Variants in B3GAT2 observed in about 807,000 individuals in gnomAD.
The protein encoded by B3GAT2 is galactosylgalactosylxylosylprotein 3-beta-glucuronosyltransferase 2.
B3GAT2 carries 26 observed loss-of-function variants against 27.8 expected under a neutral mutation model. The ratio of observed to expected loss-of-function variants is 0.93; its 90% CI spans 0.68 to 1.30. The LOEUF is 1.30. Ranked by LOEUF, B3GAT2 falls within the 50% of genes most tolerant of loss-of-function variation. The probability of loss-of-function intolerance (pLI) is 0.00; values close to 1 mark genes in which losing one functional copy is unlikely to be tolerated. For synonymous variants in B3GAT2, 218 were observed against 195.1 expected (o/e 1.12, Z -0.98); for missense variants, 458 against 459.0 (o/e 1.00, Z 0.02).
intron 2 of B3GAT2, among the ~76,000 whole-genome samples, chr6:70,888,606 C>T (rs1375285795): frequency 2.0e-5 from 3 of 152,138 alleles, no homozygotes; most frequent in African/African-American, 7.2e-5. Flanking sequence ...CCCATTCATC[C>T]CACACTGCCA....
chr6:70,922,341 C>T (rs1339721422), intron 1 of B3GAT2, among the ~76,000 whole-genome samples: 1 of 152,176 alleles, frequency 6.6e-6, no homozygotes, highest in Non-Finnish European at 1.5e-5. Context: ...ATCTGAGCAG[C>T]ACTCAATCTA....
At chr6:70,945,019 G>A (rs1765456408) in intron 1 of B3GAT2, among the ~76,000 whole-genome samples, 1 of 152,160 alleles carries the variant, frequency 6.6e-6, no homozygotes, top group African/African-American at 2.4e-5. Flanking sequence ...GGTCCTGTCT[G>A]TTAGAAGGAA....
intron 1 of B3GAT2, among the ~76,000 whole-genome samples, chr6:70,909,835 C>T (rs1772661513): frequency 6.6e-6 from 1 of 152,032 alleles, no homozygotes; most frequent in Non-Finnish European, 1.5e-5. Context: ...ACTTTAAGCA[C>T]CATGGGCCTT....
Position 70,858,169 on chromosome 6 carries a change from T to C in B3GAT2, c.*3494A>G, listed in dbSNP as rs780212927. 1.2e-6 allele frequency: 2 copies of C among 1,613,424 alleles called. No homozygotes were observed. Among genetic ancestry groups the C allele is most frequent in the South Asian group, 1.1e-5 (1 of 91,056 alleles). ...AAGGAGGAATGGTGGGACAAATGGG[T>C]GCACCCCAGAGTAAGTTTGGCCTGC... On this transcript the variant is annotated 3_prime_UTR_variant, in exon 4 of 4. Transcript: ENST00000230053.
chr6:70,894,372 A>G, intron 1 of B3GAT2, 100 bp from the exon 2 acceptor site: 1 of 1,284,878 alleles, frequency 7.8e-7, no homozygotes, highest in Non-Finnish European at 1.0e-6. Flanking sequence ...GTAGTGGTGT[A>G]AGATTTCAAA....
At chr6:70,947,580 G>C (rs377462867) in intron 1 of B3GAT2, among the ~76,000 whole-genome samples, 28,236 of 149,654 alleles carry the variant, frequency 0.19, 3,462 homozygotes, top group Middle Eastern at 0.29. Flanking sequence ...GAAATTGTGG[G>C]AATAATCAAT....
Position 70,856,832 on chromosome 6 carries a change from G to C in B3GAT2, c.*4831C>G. On this transcript the variant is annotated 3_prime_UTR_variant, in exon 4 of 4. Transcript: ENST00000230053. Reference sequence around the variant, plus strand: ...AGCTGCGCTTTACTATGCAGAATTTGATAGCTTATTTTGGTGTTTGTCTCA... The same window carrying C: ...AGCTGCGCTTTACTATGCAGAATTTCATAGCTTATTTTGGTGTTTGTCTCA... 1.3e-6 allele frequency: 2 copies of C among 1,570,036 alleles called. No individual in the cohort carries two copies. Among genetic ancestry groups the C allele is most frequent in the Non-Finnish European group, 1.7e-6 (2 of 1,158,390 alleles).
rs1380606545 is a variant in B3GAT2 at position 70,857,432 on chromosome 6, T to C, written c.*4231A>G. The C allele has an allele frequency of 6.0e-6, 1 of 167,296 alleles. No homozygotes were observed. Among genetic ancestry groups the C allele is most frequent in the Non-Finnish European group, 1.3e-5 (1 of 77,598 alleles). 10.4% of individuals were successfully genotyped at this position (167,296 alleles called of 1,614,324 possible). A position where few individuals can be genotyped will look rare whatever the true frequency, so the allele number is the denominator to read the frequency against. ...GAATTTTTTTGTAATCATAACAAAA[T>C]ATTAGCATAAGCCTTATTGTTTACA... On this transcript the variant is annotated 3_prime_UTR_variant, in exon 4 of 4. Transcript: ENST00000230053.
chr6:70,873,880 C>G (rs1399759177), intron 2 of B3GAT2, among the ~76,000 whole-genome samples: 3 of 152,012 alleles, frequency 2.0e-5, no homozygotes, highest in Admixed American at 6.6e-5. Flanking sequence ...TCCAGCATTT[C>G]TATTTGGTTC....
intron 1 of B3GAT2, among the ~76,000 whole-genome samples, chr6:70,929,352 T>A (rs936056805): frequency 6.6e-5 from 10 of 151,908 alleles, no homozygotes; most frequent in African/African-American, 2.4e-4. Flanking sequence ...ATAATAAAAA[T>A]ATATATTTAA....
Position 70,861,702 on chromosome 6 carries a change from C to T in B3GAT2, c.933G>A (p.Glu311=). 1 of 1,614,110 alleles carries T rather than the reference C, an allele frequency of 6.2e-7. No individual in the cohort carries two copies. Among genetic ancestry groups the T allele is most frequent in the Non-Finnish European group, 8.5e-7 (1 of 1,179,980 alleles). The change falls in exon 4 of 4, where the codon GAG becomes GAA. Residue 311 remains glutamate (E), a synonymous_variant. Coordinates refer to ENST00000230053, the MANE Select transcript of B3GAT2 (RefSeq NM_080742.3). Reference sequence around the variant, plus strand: ...TCACTGTGTCCAGGTGGTACTTTGGCTCGTTGGCTAGATTAACCTTCTCTG... The same window carrying T: ...TCACTGTGTCCAGGTGGTACTTTGGTTCGTTGGCTAGATTAACCTTCTCTG... The part of the protein sequence containing the change: ...TRTEKVNLAN[E]PKYHLDTVKI...
chr6:70,952,323 A>G (rs1037247592), intron 1 of B3GAT2, among the ~76,000 whole-genome samples: 3 of 152,010 alleles, frequency 2.0e-5, no homozygotes, highest in South Asian at 2.1e-4. Flanking sequence ...CAAAATTTCT[A>G]AAGTTTTTTT....
At chr6:70,903,601 G>A (rs1256009068) in intron 1 of B3GAT2, among the ~76,000 whole-genome samples, 1 of 152,050 alleles carries the variant, frequency 6.6e-6, no homozygotes, top group Non-Finnish European at 1.5e-5. Flanking sequence ...ACAAAAAGAT[G>A]CTCTGTGTCA....
intron 1 of B3GAT2, among the ~76,000 whole-genome samples, chr6:70,894,785 G>T (rs1772350522): frequency 6.6e-6 from 1 of 152,122 alleles, no homozygotes; most frequent in Non-Finnish European, 1.5e-5. Flanking sequence ...CCTGAACCTG[G>T]CTTCTTCCAG....
At chr6:70,944,648 A>T (rs1430089974) in intron 1 of B3GAT2, among the ~76,000 whole-genome samples, 1 of 152,216 alleles carries the variant, frequency 6.6e-6, no homozygotes, top group Non-Finnish European at 1.5e-5. Context: ...GACAGGGCAC[A>T]GACAAACAAA....
chr6:70,883,587 T>C (rs759746178), intron 2 of B3GAT2, among the ~76,000 whole-genome samples: 1 of 152,124 alleles, frequency 6.6e-6, no homozygotes, highest in African/African-American at 2.4e-5. Flanking sequence ...TCAGGAGTTA[T>C]TGTTTAGTGA....
intron 1 of B3GAT2, among the ~76,000 whole-genome samples, chr6:70,951,801 T>C (rs1473021216): frequency 6.6e-6 from 1 of 152,186 alleles, no homozygotes; most frequent in Non-Finnish European, 1.5e-5. Context: ...ACCTATGGCA[T>C]GACTCTTAAT....
In B3GAT2 at chr6:70,946,962, A is replaced by T. The variant is rs183546143; in HGVS notation, c.591+8877T>A. ...CTGCACAACTGCATGGAAACTGAAC[A>T]ACCTGCTCCTGAATGACTACTGGGT... On this transcript the variant is annotated intron_variant, in intron 1 of 3. Transcript: ENST00000230053. Among the ~76,000 whole-genome samples the T allele has an allele frequency of 8.7e-4, 132 of 152,328 alleles. 1 individual carries two copies. The highest frequency in any genetic ancestry group is 1.5e-3 in the Non-Finnish European group (101 of 68,030).
intron 1 of B3GAT2, among the ~76,000 whole-genome samples, chr6:70,932,535 G>T (rs1373055603): frequency 6.6e-6 from 1 of 152,100 alleles, no homozygotes; most frequent in African/African-American, 2.4e-5. Context: ...AAATAAACCA[G>T]ACACAAAAGT....
Sources: allele counts gnomAD v4.1 joint callset (sites outside exome capture counted in the v4.1 genomes callset), GRCh38; gene constraint gnomAD v4.1.1; transcripts MANE v1.5; gene names NCBI Gene and HGNC (gene_info 2026-07-23, HGNC 2026-07-21).